Variants in VIRMA observed in about 807,000 individuals in gnomAD.
The protein encoded by VIRMA is vir like m6A methyltransferase associated.
In VIRMA, 65 loss-of-function variants were observed where a neutral mutation model predicts 182.4. The observed-to-expected ratio is 0.36, with a 90% CI of 0.29 to 0.44. The LOEUF (loss-of-function observed/expected upper bound fraction) is 0.44, where lower values mean the gene tolerates loss of function less well. Ranked by LOEUF, VIRMA falls within the 20% of genes least tolerant of loss-of-function variation. The pLI is 1.00. For missense variants in VIRMA, 1,752 were observed against 2,158.1 expected (o/e 0.81, Z 3.73); for synonymous variants, 709 against 743.1 (o/e 0.95, Z 0.75).
At chr8:94,509,533 C>T (rs1311188286) in intron 15 of VIRMA, among the ~76,000 whole-genome samples, 155 bp downstream of exon 15, 2 of 151,990 alleles carry the variant, frequency 1.3e-5, no homozygotes, top group Non-Finnish European at 2.9e-5. Flanking sequence ...AAGAAAAAAG[C>T]TCTTCAGAGA....
In VIRMA at chr8:94,487,710, G is replaced by GT. The variant is rs1233815868; in HGVS notation, c.*995dup. ...CTCCTTTTCTGATTAAGATAACTCTGTATTTTACGCCACTTATATAGACTC... is the reference window on the plus strand; with the variant it reads ...CTCCTTTTCTGATTAAGATAACTCTGTTATTTTACGCCACTTATATAGACTC... On this transcript the variant is annotated 3_prime_UTR_variant, in exon 24 of 24. Transcript: ENST00000297591. 7.9e-5 allele frequency: 12 copies of GT among 152,170 alleles called. No individual in the cohort carries two copies. The highest frequency in any genetic ancestry group is 1.5e-4 in the Non-Finnish European group (10 of 68,042). 9.4% of individuals were successfully genotyped at this position (152,170 alleles called of 1,614,324 possible).
At chr8:94,548,889 C>G (rs1714930047) in intron 1 of VIRMA, among the ~76,000 whole-genome samples, 1 of 152,094 alleles carries the variant, frequency 6.6e-6, no homozygotes, top group Non-Finnish European at 1.5e-5. Flanking sequence ...AATCTCCTGA[C>G]CTCGTGATCC....
Position 94,511,977 on chromosome 8 carries a change from A to G in VIRMA, c.2845+19T>C. On this transcript the variant is annotated intron_variant, in intron 12 of 23. Coordinates refer to ENST00000297591, the MANE Select transcript of VIRMA (RefSeq NM_015496.5). ...TAGGCTTAAGAATCGTAGTTTTTAA[A>G]ATACAGTAGCCACATTACCTTCAAC... 7.1e-7 allele frequency: 1 copy of G among 1,415,386 alleles called. No individual in the cohort carries two copies. The highest frequency in any genetic ancestry group is 9.5e-7 in the Non-Finnish European group (1 of 1,053,278). 87.7% of individuals were successfully genotyped at this position (1,415,386 alleles called of 1,614,324 possible). A position where few individuals can be genotyped will look rare whatever the true frequency, so the allele number is the denominator to read the frequency against.
At position 94,506,572 on chromosome 8, in the gene VIRMA, T is replaced by G. The variant is rs777792817; in HGVS notation, c.4025A>C (p.Asn1342Thr). The G allele has an allele frequency of 6.2e-7, 1 of 1,613,752 alleles. No homozygotes were observed. The highest frequency in any genetic ancestry group is 1.1e-5 in the South Asian group (1 of 91,082). ...ATLANSESSYNCLLTCVRTMM... is the reference protein window; with the variant it reads ...ATLANSESSYTCLLTCVRTMM... Reference sequence around the variant, plus strand: ...TGTTCTGACACATGTCAGTAAACAGTTGTAACTGCTCTCAGAGTTAGCTAG... The same window carrying G: ...TGTTCTGACACATGTCAGTAAACAGGTGTAACTGCTCTCAGAGTTAGCTAG... Residue 1342 changes from asparagine to threonine, a missense_variant, in exon 16 of 24, where the codon AAC becomes ACC. This residue lies in a region of VIRMA where 777 missense variants were observed against 920.6 expected (regional missense o/e 0.84). Coordinates refer to ENST00000297591, the MANE Select transcript of VIRMA (RefSeq NM_015496.5).
At chr8:94,529,452 T>G in intron 6 of VIRMA, 110 bp from the exon 7 acceptor site, 2 of 622,102 alleles carry the variant, frequency 3.2e-6, no homozygotes, top group Non-Finnish European at 2.8e-6. Context: ...AGTTTATAAA[T>G]ACCCTTAAAA....
At chr8:94,548,241 G>C (rs1381594740) in intron 1 of VIRMA, among the ~76,000 whole-genome samples, 1 of 150,122 alleles carries the variant, frequency 6.7e-6, no homozygotes, top group Non-Finnish European at 1.5e-5. Flanking sequence ...AAAAAAATAA[G>C]CTTACTTTTG....
Position 94,492,721 on chromosome 8 carries a change from G to C in VIRMA, c.4739C>G (p.Pro1580Arg). 1 of 1,613,894 alleles carries C rather than the reference G, an allele frequency of 6.2e-7. No individual in the cohort carries two copies. The highest frequency in any genetic ancestry group is 8.5e-7 in the Non-Finnish European group (1 of 1,179,864). The part of the protein sequence containing the change: ...ERSFLSEPSS[P>R]GRTKTTKGFK... ...TCCTTTAGTAGTCTTGGTTCTTCCT[G>C]GAGATGATGGTTCTGACAAAAATGA... The change falls in exon 21 of 24, where the codon CCA becomes CGA. Residue 1580 changes from proline to arginine, a missense_variant. This residue lies in a region of VIRMA where 777 missense variants were observed against 920.6 expected (regional missense o/e 0.84). Transcript: ENST00000297591.
At chr8:94,533,462 G>A (rs1364176344) in intron 5 of VIRMA, among the ~76,000 whole-genome samples, 2 of 152,010 alleles carry the variant, frequency 1.3e-5, no homozygotes, top group Admixed American at 1.3e-4. Flanking sequence ...CTGTTTTTGA[G>A]ACAGGGTTTT....
chr8:94,488,897 C>A (rs373181498), intron 23 of VIRMA, 37 bp from the exon 24 acceptor site: 32 of 1,590,602 alleles, frequency 2.0e-5, no homozygotes, highest in Middle Eastern at 3.4e-4. Context: ...GTTCCAATGT[C>A]CTTTCTTTTC....
chr8:94,510,507 C>G lies in VIRMA; in HGVS notation c.3536G>C (p.Arg1179Pro), dbSNP rs996609713. 1 of 1,614,098 alleles carries G rather than the reference C, an allele frequency of 6.2e-7. No homozygotes were observed. The change falls in exon 14 of 24, where the codon CGT becomes CCT. Residue 1179 changes from arginine (R) to proline (P), a missense_variant. By Grantham distance (103) the Arg-to-Pro change is moderately radical (BLOSUM62 -2). Transcript: ENST00000297591. The stretch of plus-strand genomic sequence containing the variant: ...AAGGTCACACAATTGAACACAAATA[C>G]GCCGTAACATATGTTGAATGGGCTG... ...TCQPIQHMLR[R>P]ICVQLCDLAS...
In VIRMA at chr8:94,506,598, C is replaced by T. The variant is rs745483442; in HGVS notation, c.3999G>A (p.Thr1333=). 15 of 1,613,002 alleles carry T rather than the reference C, an allele frequency of 9.3e-6. No individual in the cohort carries two copies. The East Asian group carries it at 2.5e-4, about 26-fold the overall frequency. The stretch of plus-strand genomic sequence containing the variant: ...TGTAACTGCTCTCAGAGTTAGCTAG[C>T]GTAGCCAACAGACAGTCACAGATTG... ...MTSICDCLLA[T]LANSESSYNC... is the part of the protein sequence containing the mutation. The change falls in exon 16 of 24, where the codon ACG becomes ACA. Residue 1333 remains threonine, a synonymous_variant. Transcript: ENST00000297591.
At chr8:94,494,238 T>A (rs1813694434) in intron 20 of VIRMA, among the ~76,000 whole-genome samples, 1 of 152,018 alleles carries the variant, frequency 6.6e-6, no homozygotes, top group Admixed American at 6.6e-5. Context: ...GAGGATTGTT[T>A]GAGGCTAGGA....
rs138978431 is a variant in VIRMA, at chr8:94,489,187, C to T, written c.5285-327G>A. Among the ~76,000 whole-genome samples, 65 of 152,150 alleles carry T rather than the reference C, an allele frequency of 4.3e-4. No homozygotes were observed. The East Asian group carries it at 0.01, about 23-fold the overall frequency. On this transcript the variant is annotated intron_variant, in intron 23 of 23. Transcript: ENST00000297591. ...ATGTGCTTACACACCTAAGACAATA[C>T]TATAACCAAAAAAATATATGCTGTA... is the stretch of plus-strand genomic sequence containing the variant.
At chr8:94,550,572 A>G (rs551304420) in intron 1 of VIRMA, among the ~76,000 whole-genome samples, 53 of 152,186 alleles carry the variant, frequency 3.5e-4, no homozygotes, top group Non-Finnish European at 4.6e-4. Flanking sequence ...GATTACAGGC[A>G]TGAGCCACGG....
At chr8:94,521,802 C>G (rs1247424512) in intron 8 of VIRMA, among the ~76,000 whole-genome samples, 1 of 152,172 alleles carries the variant, frequency 6.6e-6, no homozygotes, top group Non-Finnish European at 1.5e-5. Context: ...CTGCTTACTA[C>G]AAAGGCAAAC....
At chr8:94,524,525 G>C (rs938053254) in intron 8 of VIRMA, among the ~76,000 whole-genome samples, 18 of 151,230 alleles carry the variant, frequency 1.2e-4, no homozygotes, top group African/African-American at 4.4e-4. Flanking sequence ...GGCTGGTCTC[G>C]AACTCCTGAA....
intron 1 of VIRMA, among the ~76,000 whole-genome samples, chr8:94,549,049 C>T (rs1815880377): frequency 6.6e-6 from 1 of 152,220 alleles, no homozygotes; most frequent in Non-Finnish European, 1.5e-5. Flanking sequence ...TGCCACCACA[C>T]CTGGCTTATC....
intron 15 of VIRMA, among the ~76,000 whole-genome samples, chr8:94,509,359 G>T (rs1023568154): frequency 1.3e-5 from 2 of 150,926 alleles, no homozygotes; most frequent in African/African-American, 4.9e-5. Context: ...CTGAGATCAC[G>T]CCATTGCACT....
At position 94,496,427 on chromosome 8, in the gene VIRMA, T is replaced by G. The variant is rs771810853; in HGVS notation, c.4284A>C (p.Ser1428=). The change falls in exon 18 of 24, where the codon TCA becomes TCC. Residue 1428 remains serine, a synonymous_variant. Coordinates refer to ENST00000297591, the MANE Select transcript of VIRMA (RefSeq NM_015496.5). ...GLMEVEGAHT[S]RTMSINAAEL... ...CTGCAGCATTAATACTCATCGTCCG[T>G]GATGTATGAGCTCCCTCTACTTCCA... is the stretch of plus-strand genomic sequence containing the variant. The G allele has an allele frequency of 1.2e-6, 2 of 1,613,438 alleles. No individual in the cohort carries two copies. Among genetic ancestry groups the G allele is most frequent in the South Asian group, 2.2e-5 (2 of 91,004 alleles).
Sources: gnomAD v4.1 joint callset for allele counts (sites outside exome capture counted in the v4.1 genomes callset) on GRCh38, gnomAD v4.1.1 for gene constraint, gnomAD v4.1.1 regional missense constraint, MANE v1.5 for transcripts, NCBI Gene and HGNC (gene_info 2026-07-23, HGNC 2026-07-21) for gene names.